The following STK38 variants were observed in gnomAD, a reference collection of about 807,000 sequenced individuals.
STK38 encodes the protein serine/threonine-protein kinase 38.
Under a neutral mutation model 59.0 loss-of-function variants are expected in STK38, and 26 were observed. The ratio of observed to expected loss-of-function variants is 0.44; its 90% CI spans 0.32 to 0.61. The LOEUF (loss-of-function observed/expected upper bound fraction) is 0.61, where lower values mean the gene tolerates loss of function less well. Ranked by LOEUF, STK38 falls within the 20% of genes least tolerant of loss-of-function variation. The probability of loss-of-function intolerance (pLI) is 0.04; values close to 1 mark genes in which losing one functional copy is unlikely to be tolerated. For missense variants in STK38, 433 were observed against 566.0 expected, an observed-to-expected ratio of 0.76 and a Z score of 2.38; for synonymous variants, 175 against 176.6, an observed-to-expected ratio of 0.99 and a Z score of 0.07.
intron 9 of STK38, among the ~76,000 whole-genome samples, chr6:36,505,151 T>C (rs564834776): frequency 6.6e-6 from 1 of 152,302 alleles, no homozygotes; most frequent in South Asian, 2.1e-4. Flanking sequence ...ATAATTTCTG[T>C]GGGTGGAACC....
At chr6:36,528,500 A>T (rs3819759) in intron 2 of STK38, among the ~76,000 whole-genome samples, 2 of 152,302 alleles carry the variant, frequency 1.3e-5, no homozygotes, top group East Asian at 3.9e-4. Flanking sequence ...GAGGGATATG[A>T]TGCCACTAAT....
At chr6:36,519,291 C>T (rs1024578463) in intron 5 of STK38, among the ~76,000 whole-genome samples, 2 of 152,262 alleles carry the variant, frequency 1.3e-5, no homozygotes, top group East Asian at 3.9e-4. Context: ...AAGCATCTGC[C>T]TTTACTTGAC....
rs1007878256 is a variant in STK38 at position 36,495,219 on chromosome 6, A to C, written c.*565T>G. On this transcript the variant is annotated 3_prime_UTR_variant, in exon 14 of 14. Coordinates refer to ENST00000229812, the MANE Select transcript of STK38 (RefSeq NM_007271.4). ...AAAGTGCACCATGAATGGAGGCTATAAGCCACTCGCCTGAGGCTGAGGTAT... is the reference window on the plus strand; with the variant it reads ...AAAGTGCACCATGAATGGAGGCTATCAGCCACTCGCCTGAGGCTGAGGTAT... The C allele has an allele frequency of 1.6e-4, 24 of 153,740 alleles. No individual in the cohort carries two copies. Among genetic ancestry groups the C allele is most frequent in the African/African-American group, 5.8e-4 (24 of 41,432 alleles). The allele number at this position is 153,740 out of a possible 1,614,324, so 9.5% of individuals were successfully genotyped here. A position where few individuals can be genotyped will look rare whatever the true frequency, so the allele number is the denominator to read the frequency against.
intron 2 of STK38, among the ~76,000 whole-genome samples, chr6:36,537,943 G>A (rs1333622626): frequency 6.6e-6 from 1 of 151,718 alleles, no homozygotes; most frequent in Non-Finnish European, 1.5e-5. Context: ...TTGCTCAAAT[G>A]AGTACATACT....
In STK38 at chr6:36,495,621, T is replaced by C. The variant is rs1388595691; in HGVS notation, c.*163A>G. ...TTGTCTTTGTTTACAGTTTTTCAGATGCATTATGGAAGAAAATCCTCTTAC... is the reference window on the plus strand; with the variant it reads ...TTGTCTTTGTTTACAGTTTTTCAGACGCATTATGGAAGAAAATCCTCTTAC... On this transcript the variant is annotated 3_prime_UTR_variant, in exon 14 of 14. Transcript: ENST00000229812. 8 of 830,300 alleles carry C rather than the reference T, an allele frequency of 9.6e-6. No individual in the cohort carries two copies. Among genetic ancestry groups the C allele is most frequent in the Non-Finnish European group, 1.2e-5 (7 of 562,482 alleles). The allele number at this position is 830,300 out of a possible 1,614,324, so 51.4% of individuals were successfully genotyped here.
At chr6:36,516,572 T>G (rs1465963785) in intron 6 of STK38, among the ~76,000 whole-genome samples, 2 of 152,244 alleles carry the variant, frequency 1.3e-5, no homozygotes, top group African/African-American at 4.8e-5. Context: ...AGTGCTCTTT[T>G]TCAGTCCAAT....
chr6:36,518,801 CT>C (rs1262990553), intron 5 of STK38, among the ~76,000 whole-genome samples: 2 of 152,170 alleles, frequency 1.3e-5, no homozygotes, highest in Non-Finnish European at 2.9e-5. Context: ...AGTCCAATCC[CT>C]GAATAGTGGT....
chr6:36,518,936 T>C (rs1777319909), intron 5 of STK38, among the ~76,000 whole-genome samples: 1 of 152,182 alleles, frequency 6.6e-6, no homozygotes, highest in Admixed American at 6.5e-5. Context: ...TCCATGGCTG[T>C]TGTTTGGTTT....
intron 2 of STK38, among the ~76,000 whole-genome samples, chr6:36,534,287 T>A (rs1777735335): frequency 6.6e-6 from 1 of 150,874 alleles, no homozygotes; most frequent in Non-Finnish European, 1.5e-5. Context: ...ATGACAAAAA[T>A]AAAAAATAAT....
At chr6:36,526,364 C>T (rs75815890) in intron 2 of STK38, among the ~76,000 whole-genome samples, 5,105 of 152,144 alleles carry the variant, frequency 0.034, 294 homozygotes, top group African/African-American at 0.11. Context: ...TCCTCCTCTT[C>T]CCTGCCATGA....
chr6:36,522,560 A>C (rs1434052333), intron 4 of STK38: 2 of 152,182 alleles, frequency 1.3e-5, no homozygotes, highest in Non-Finnish European at 2.9e-5. Context: ...TCTGGAAAGA[A>C]AAACAAAAAA....
intron 1 of STK38, among the ~76,000 whole-genome samples, chr6:36,546,962 G>A (rs1778065603): frequency 6.6e-6 from 1 of 152,198 alleles, no homozygotes; most frequent in Admixed American, 6.6e-5. Flanking sequence ...GGGGTGGAAA[G>A]GCTGGGACTG....
At chr6:36,545,953 T>C (rs1778044749) in intron 1 of STK38, among the ~76,000 whole-genome samples, 1 of 152,214 alleles carries the variant, frequency 6.6e-6, no homozygotes, top group African/African-American at 2.4e-5. Flanking sequence ...GACTTTACAA[T>C]GGTACTCTGT....
chr6:36,496,043 AT>A (rs34301019), intron 13 of STK38, 129 bp from the exon 14 acceptor site: 117,067 of 613,820 alleles, frequency 0.19, 273 homozygotes, highest in South Asian at 0.23. Context: ...CACTCTATGA[AT>A]TTTTTTTTTT....
chr6:36,497,799 C>A lies in STK38; in HGVS notation c.1153G>T (p.Val385Phe), dbSNP rs78764904. The A allele has an allele frequency of 6.2e-7, 1 of 1,612,702 alleles. No individual in the cohort carries two copies. Among genetic ancestry groups the A allele is most frequent in the South Asian group, 1.1e-5 (1 of 90,952 alleles). ...EIKSNSFFEG[V>F]DWEHIRERPA... ...ATATACCTGATATGTTCCCAGTCAACGCCTTCAAAAAAAGAGTTACTTTTT... is the reference window on the plus strand; with the variant it reads ...ATATACCTGATATGTTCCCAGTCAAAGCCTTCAAAAAAAGAGTTACTTTTT... The change falls in exon 12 of 14, where the codon GTT becomes TTT. Residue 385 changes from valine (V) to phenylalanine (F), a missense_variant. Coordinates refer to ENST00000229812, the MANE Select transcript of STK38 (RefSeq NM_007271.4).
chr6:36,525,751 A>C, intron 2 of STK38, 109 bp from the exon 3 acceptor site: 1 of 849,656 alleles, frequency 1.2e-6, no homozygotes, highest in Non-Finnish European at 1.8e-6. Flanking sequence ...CAAACAGGTA[A>C]ATCTCAAAAT....
chr6:36,498,891 T>C (rs9470294), intron 10 of STK38, among the ~76,000 whole-genome samples: 42,149 of 151,948 alleles, frequency 0.28, 6,769 homozygotes, highest in African/African-American at 0.44. Flanking sequence ...GTGCCCGGCC[T>C]GATTCTGTAT....
chr6:36,497,702 A>G (rs1445575067), intron 12 of STK38, 78 bp downstream of exon 12: 12 of 1,210,746 alleles, frequency 9.9e-6, no homozygotes, highest in Non-Finnish European at 4.8e-6. Context: ...TGGCTTGCCA[A>G]TGATGGTCCT....
At chr6:36,543,760 G>A (rs1189467568) in intron 1 of STK38, among the ~76,000 whole-genome samples, 2 of 152,078 alleles carry the variant, frequency 1.3e-5, no homozygotes, top group African/African-American at 4.8e-5. Flanking sequence ...TCCTGCCTCA[G>A]CCTCCCAAGT....
Sources: gnomAD v4.1 joint callset for allele counts (sites outside exome capture counted in the v4.1 genomes callset) on GRCh38, gnomAD v4.1.1 for gene constraint, MANE v1.5 for transcripts, NCBI Gene and HGNC (gene_info 2026-07-23, HGNC 2026-07-21) for gene names.